COG6: variants seen among roughly 807,000 people sequenced by gnomAD.
COG6 encodes conserved oligomeric Golgi complex subunit 6.
A neutral mutation model predicts 88.8 loss-of-function variants in COG6; 74 were observed. The observed-to-expected ratio is 0.83, with a 90% CI of 0.69 to 1.01. COG6 has a LOEUF of 1.01. Among genes scored for constraint, COG6 ranks in the 50% least tolerant of loss-of-function variants. The pLI is 0.00. For synonymous variants in COG6, 286 were observed against 278.7 expected, an observed-to-expected ratio of 1.03 and a Z score of -0.26; for missense variants, 800 against 797.9, an observed-to-expected ratio of 1.00 and a Z score of -0.03.
At position 39,659,481 on chromosome 13, in the gene COG6, G is replaced by C; in HGVS notation, c.271G>C (p.Val91Leu). Reference protein sequence around the residue: ...RKSLAINEEFVSIFKEVKEEL... With the variant: ...RKSLAINEEFLSIFKEVKEEL... Reference sequence around the variant, plus strand: ...AAGTTTAGCCATCAATGAAGAATTTGTAAGCATTTTCAAGGAAGTGAAGGA... The same window carrying C: ...AAGTTTAGCCATCAATGAAGAATTTCTAAGCATTTTCAAGGAAGTGAAGGA... Residue 91 changes from valine to leucine, a missense_variant, in exon 2 of 19, where the codon GTA becomes CTA. By Grantham distance (32) the Val-to-Leu change is conservative (BLOSUM62 1). Coordinates refer to ENST00000455146, the MANE Select transcript of COG6 (RefSeq NM_020751.3). 2 of 1,613,412 alleles carry C rather than the reference G, an allele frequency of 1.2e-6. No individual in the cohort carries two copies. The highest frequency in any genetic ancestry group is 1.7e-6 in the Non-Finnish European group (2 of 1,179,676).
rs1880664441 is a variant in COG6 at position 39,752,026 on chromosome 13, T to C, written c.*933T>C. ...GAGGAGGAGTTGCCAATTGGCAGTG[T>C]GTCTTATCTCCATGTTGTAACTGGA... On this transcript the variant is annotated 3_prime_UTR_variant, in exon 19 of 19. Transcript: ENST00000455146. The C allele has an allele frequency of 7.8e-7, 1 of 1,280,016 alleles. No homozygotes were observed. Among genetic ancestry groups the C allele is most frequent in the African/African-American group, 1.5e-5 (1 of 65,652 alleles). The allele number at this position is 1,280,016 out of a possible 1,614,324, so 79.3% of individuals were successfully genotyped here.
Position 39,677,536 on chromosome 13 carries a change from A to C in COG6, c.497A>C (p.Glu166Ala), listed in dbSNP as rs1468779855. Reference protein sequence around the residue: ...FLSKFQLTSDEMSLLRGTREG... With the variant: ...FLSKFQLTSDAMSLLRGTREG... ...TCCAAGTTCCAACTGACTTCTGATG[A>C]AATGAGTCTTCTCCGAGGTACAAGA... is the stretch of plus-strand genomic sequence containing the variant. The change falls in exon 5 of 19, where the codon GAA becomes GCA. Residue 166 changes from glutamate to alanine, a missense_variant. Transcript: ENST00000455146. The C allele has an allele frequency of 1.2e-6, 2 of 1,613,146 alleles. No individual in the cohort carries two copies. Among genetic ancestry groups the C allele is most frequent in the East Asian group, 2.2e-5 (1 of 44,806 alleles).
At chr13:39,683,024 C>T (rs765466239) in intron 8 of COG6, among the ~76,000 whole-genome samples, 5 of 152,056 alleles carry the variant, frequency 3.3e-5, no homozygotes, top group Non-Finnish European at 7.4e-5. Flanking sequence ...GAGGACCTCC[C>T]CATTACTTTC....
intron 11 of COG6, among the ~76,000 whole-genome samples, chr13:39,690,478 C>T (rs1300257126): frequency 1.3e-5 from 2 of 151,926 alleles, no homozygotes; most frequent in Admixed American, 6.6e-5. Flanking sequence ...AAGTATTTAG[C>T]AGATGGTAAA....
chr13:39,676,077 C>T (rs1371376530), intron 4 of COG6, among the ~76,000 whole-genome samples: 2 of 152,048 alleles, frequency 1.3e-5, no homozygotes, highest in Non-Finnish European at 2.9e-5. Context: ...AATACCACTG[C>T]ATTGTTATTT....
intron 18 of COG6, among the ~76,000 whole-genome samples, chr13:39,737,699 C>T (rs528017590): frequency 6.6e-6 from 1 of 152,078 alleles, no homozygotes; most frequent in African/African-American, 2.4e-5. Context: ...TCCACTGGCT[C>T]TAAGCCCAGC....
chr13:39,684,694 T>A (rs1876536993), intron 8 of COG6, among the ~76,000 whole-genome samples: 2 of 152,204 alleles, frequency 1.3e-5, no homozygotes, highest in South Asian at 4.1e-4. Context: ...TTTCCTTACA[T>A]TTAGGGAAAA....
intron 4 of COG6, among the ~76,000 whole-genome samples, chr13:39,675,835 ATTACT>A (rs1386394961): frequency 1.3e-5 from 2 of 152,130 alleles, no homozygotes; most frequent in East Asian, 1.9e-4. Flanking sequence ...AAATTTTATA[ATTACT>A]TTAAATTCTT....
rs534882527 is a variant in COG6 at position 39,758,970 on chromosome 13, A to T, written c.1827-29365A>T. Among the ~76,000 whole-genome samples, 69 of 152,302 alleles carry T rather than the reference A, an allele frequency of 4.5e-4. 1 individual carries two copies. The highest frequency in any genetic ancestry group is 3.4e-4 in the Non-Finnish European group (23 of 68,004). ...ATTATTCTAATTAGAAGCCAAGCAC[A>T]AAAGGCTATATATAATTTGATTCTA... is the stretch of plus-strand genomic sequence containing the variant. On this transcript the variant is annotated intron_variant, in intron 18 of 18. Transcript: ENST00000416691.
chr13:39,779,513 A>C (rs138043286), intron 18 of COG6, among the ~76,000 whole-genome samples: 546 of 152,280 alleles, frequency 3.6e-3, no homozygotes, highest in Middle Eastern at 0.014. Flanking sequence ...TTTTCTCATC[A>C]GAGGAAGTGG....
At chr13:39,742,070 A>G (rs1322174615) in intron 18 of COG6, among the ~76,000 whole-genome samples, 1 of 152,204 alleles carries the variant, frequency 6.6e-6, no homozygotes, top group Non-Finnish European at 1.5e-5. Flanking sequence ...TTTTGTTACT[A>G]CCAGGCCTGC....
intron 1 of COG6, among the ~76,000 whole-genome samples, chr13:39,659,053 T>G (rs1176120346): frequency 6.6e-6 from 1 of 152,188 alleles, no homozygotes; most frequent in Non-Finnish European, 1.5e-5. Context: ...GATTTTTTTT[T>G]TGTGAATGAG....
At chr13:39,656,005 C>T in intron 1 of COG6, 126 bp downstream of exon 1, 2 of 1,226,268 alleles carry the variant, frequency 1.6e-6, no homozygotes, top group Non-Finnish European at 2.3e-6. Flanking sequence ...CGAGTGACCC[C>T]AGACCTGCGG....
chr13:39,764,487 C>G (rs1446650295), intron 18 of COG6, among the ~76,000 whole-genome samples: 1 of 151,268 alleles, frequency 6.6e-6, no homozygotes, highest in African/African-American at 2.4e-5. Context: ...GTAATGTATT[C>G]ATTTAAATAT....
intron 18 of COG6, among the ~76,000 whole-genome samples, chr13:39,746,836 A>G (rs1222647117): frequency 1.3e-5 from 2 of 152,188 alleles, no homozygotes; most frequent in Non-Finnish European, 2.9e-5. Flanking sequence ...CACTATAGAA[A>G]CATTCATTTA....
chr13:39,788,890 G>A (rs529360227), exon 19 of COG6: 1 of 154,864 alleles, frequency 6.5e-6, no homozygotes, highest in Non-Finnish European at 1.4e-5. Flanking sequence ...GGCAGAGATA[G>A]CATTACGCAG....
chr13:39,756,516 CAAG>C (rs1214778614), downstream of COG6, among the ~76,000 whole-genome samples: 1 of 152,060 alleles, frequency 6.6e-6, no homozygotes, highest in Non-Finnish European at 1.5e-5. Context: ...ATTACACATC[CAAG>C]AAGTTCACTG....
chr13:39,769,705 A>AC (rs1256668028), intron 18 of COG6, among the ~76,000 whole-genome samples: 1 of 152,112 alleles, frequency 6.6e-6, no homozygotes, highest in African/African-American at 2.4e-5. Flanking sequence ...TTGAAACCTA[A>AC]CCCCCAAGGT....
intron 18 of COG6, among the ~76,000 whole-genome samples, chr13:39,728,927 T>C (rs1368136861): frequency 6.6e-6 from 1 of 152,154 alleles, no homozygotes; most frequent in Non-Finnish European, 1.5e-5. Flanking sequence ...CCTCCCAAAG[T>C]GCTGGGATTA....
Sources: gnomAD v4.1 joint callset for allele counts (sites outside exome capture counted in the v4.1 genomes callset) on GRCh38, gnomAD v4.1.1 for gene constraint, MANE v1.5 for transcripts, NCBI Gene and HGNC (gene_info 2026-07-23, HGNC 2026-07-21) for gene names.